Variants in DIPK1A observed in about 807,000 individuals in gnomAD.
The protein encoded by DIPK1A is divergent protein kinase domain 1A, also known as family with sequence similarity 69 member A.
In DIPK1A, 27 loss-of-function variants were observed where a neutral mutation model predicts 40.8. The observed-to-expected ratio is 0.66, with a 90% CI of 0.49 to 0.91. DIPK1A has a LOEUF of 0.91. DIPK1A is among the 40% of genes least tolerant of loss of function. DIPK1A has a pLI of 0.00. For missense variants in DIPK1A, 412 were observed against 505.7 expected, an observed-to-expected ratio of 0.81 and a Z score of 1.78; for synonymous variants, 166 against 171.3, an observed-to-expected ratio of 0.97 and a Z score of 0.24.
chr1:92,936,682 GT>G (rs1650959622), intron 1 of DIPK1A, among the ~76,000 whole-genome samples: 1 of 151,876 alleles, frequency 6.6e-6, no homozygotes, highest in Non-Finnish European at 1.5e-5. Flanking sequence ...CAGAGAAGCT[GT>G]TTTAGTCCAG....
intron 4 of DIPK1A, chr1:92,833,739 GTT>G (rs1687008233): frequency 8.7e-7 from 1 of 1,146,468 alleles, no homozygotes; most frequent in East Asian, 2.4e-5. Flanking sequence ...TGGTGTGTGT[GTT>G]AGAAGGGCTG....
At chr1:92,842,087 G>T, downstream of DIPK1A, 1 of 798,282 alleles carries the variant, frequency 1.3e-6, no homozygotes. Flanking sequence ...TACCTGACAG[G>T]AGTCATTATC....
intron 2 of DIPK1A, among the ~76,000 whole-genome samples, chr1:92,863,586 A>AAC (rs2100751515): frequency 6.6e-6 from 1 of 151,420 alleles, no homozygotes; most frequent in Non-Finnish European, 1.5e-5. Context: ...AAAAAAAAAA[A>AAC]AAACCCACAA....
intron 1 of DIPK1A, among the ~76,000 whole-genome samples, chr1:92,959,903 C>CATTTTTTTTTT (rs1651998956): frequency 1.7e-4 from 8 of 47,876 alleles, no homozygotes; most frequent in African/African-American, 8.8e-4. Flanking sequence ...ACCCAACCAA[C>CATTTTTTTTTT]TTTTTTTTTT....
At chr1:92,883,246 G>A (rs143929339) in intron 1 of DIPK1A, among the ~76,000 whole-genome samples, 7 of 152,298 alleles carry the variant, frequency 4.6e-5, no homozygotes, top group Non-Finnish European at 7.3e-5. Context: ...GTATCTTACA[G>A]AGCATATAGG....
intron 1 of DIPK1A, among the ~76,000 whole-genome samples, chr1:92,893,764 C>G (rs1490356398): frequency 6.9e-6 from 1 of 145,556 alleles, no homozygotes; most frequent in Non-Finnish European, 1.5e-5. Flanking sequence ...ACCCATCTCA[C>G]GTGCAGAGAC....
intron 1 of DIPK1A, among the ~76,000 whole-genome samples, chr1:92,947,904 G>A (rs545337760): frequency 1.5e-4 from 23 of 152,262 alleles, no homozygotes; most frequent in African/African-American, 4.8e-4. Context: ...AAAAGGTACG[G>A]GGGACAGAGG....
At chr1:92,892,592 G>C (rs1340146865) in intron 1 of DIPK1A, among the ~76,000 whole-genome samples, 1 of 152,086 alleles carries the variant, frequency 6.6e-6, no homozygotes, top group African/African-American at 2.4e-5. Context: ...AAAGCAGAGT[G>C]CCTCTCCTTC....
intron 2 of DIPK1A, among the ~76,000 whole-genome samples, chr1:92,872,850 CAA>C (rs1472867710): frequency 1.3e-5 from 2 of 152,154 alleles, no homozygotes; most frequent in Non-Finnish European, 2.9e-5. Flanking sequence ...GTGAGACTGC[CAA>C]AGAGTCTGTT....
At chr1:92,950,626 C>T (rs1409688736) in intron 1 of DIPK1A, among the ~76,000 whole-genome samples, 2 of 152,182 alleles carry the variant, frequency 1.3e-5, no homozygotes, top group African/African-American at 2.4e-5. Context: ...GGGAGGATAG[C>T]TTGCTTGAGC....
chr1:92,920,477 G>A (rs907893631), intron 1 of DIPK1A, among the ~76,000 whole-genome samples: 2 of 152,126 alleles, frequency 1.3e-5, no homozygotes, highest in Admixed American at 6.5e-5. Flanking sequence ...ACCCAGTATC[G>A]AGTATGTCTT....
chr1:92,872,533 T>A (rs1248549058), intron 2 of DIPK1A, among the ~76,000 whole-genome samples: 1 of 152,240 alleles, frequency 6.6e-6, no homozygotes, highest in African/African-American at 2.4e-5. Flanking sequence ...CATCTGGAGA[T>A]CTGCTTCTAG....
intron 2 of DIPK1A, among the ~76,000 whole-genome samples, chr1:92,866,012 G>C (rs1647518281): frequency 6.6e-6 from 1 of 152,162 alleles, no homozygotes; most frequent in Non-Finnish European, 1.5e-5. Context: ...CCAAGGCTGT[G>C]GTTCAGTGGC....
chr1:92,896,706 A>G (rs1333195467), intron 1 of DIPK1A, among the ~76,000 whole-genome samples: 1 of 152,130 alleles, frequency 6.6e-6, no homozygotes, highest in Non-Finnish European at 1.5e-5. Flanking sequence ...CTACCATCAG[A>G]GTGAACAGGC....
rs549249417 is a variant in DIPK1A at position 92,849,666 on chromosome 1, C to T, written c.297+1182G>A. 1.2e-3 allele frequency among the ~76,000 whole-genome samples: 184 copies of T among 152,262 alleles called. 1 individual carries two copies. The highest frequency in any genetic ancestry group is 4.3e-3 in the African/African-American group (177 of 41,550). Reference sequence around the variant, plus strand: ...TTGCTGGGATTACAGGCATGTGCCACCACACCCGGCTAATTTTTTGTGTTT... The same window carrying T: ...TTGCTGGGATTACAGGCATGTGCCATCACACCCGGCTAATTTTTTGTGTTT... On this transcript the variant is annotated intron_variant, in intron 3 of 4. Transcript: ENST00000370310.
intron 4 of DIPK1A, among the ~76,000 whole-genome samples, chr1:92,846,809 A>G (rs1386619748): frequency 3.5e-4 from 1 of 2,818 alleles, no homozygotes; most frequent in Non-Finnish European, 4.6e-4. Context: ...ATATATATAT[A>G]TATATATATA....
At chr1:92,856,159 T>C (rs957419490) in intron 2 of DIPK1A, among the ~76,000 whole-genome samples, 1 of 151,796 alleles carries the variant, frequency 6.6e-6, no homozygotes, top group African/African-American at 2.4e-5. Context: ...AGACTGATTA[T>C]GAGAAAAAGA....
At chr1:92,840,069 G>A (rs1038790535), downstream of DIPK1A, among the ~76,000 whole-genome samples, 6 of 151,218 alleles carry the variant, frequency 4.0e-5, no homozygotes, top group African/African-American at 1.5e-4. Context: ...ATCTAGGCTG[G>A]GGTCCAGTGA....
chr1:92,909,358 A>G (rs1649743331), intron 1 of DIPK1A, among the ~76,000 whole-genome samples: 1 of 152,254 alleles, frequency 6.6e-6, no homozygotes, highest in Admixed American at 6.5e-5. Context: ...TAAAAGCTGT[A>G]CATCAAAATG....
Sources: gnomAD v4.1 joint callset for allele counts (sites outside exome capture counted in the v4.1 genomes callset) on GRCh38, gnomAD v4.1.1 for gene constraint, MANE v1.5 for transcripts, NCBI Gene and HGNC (gene_info 2026-07-23, HGNC 2026-07-21) for gene names.